HERC2: variants seen among roughly 807,000 people sequenced by gnomAD.
The protein encoded by HERC2 is HECT and RLD domain containing E3 ubiquitin protein ligase 2, also known as E3 ubiquitin-protein ligase HERC2.
Under a neutral mutation model 537.7 loss-of-function variants are expected in HERC2, and 102 were observed. That is an observed-to-expected ratio of 0.19 (90% confidence interval 0.16 to 0.22). The LOEUF is 0.22. HERC2 is among the 10% of genes least tolerant of loss of function. The pLI, the probability that HERC2 is intolerant of heterozygous loss-of-function variation, is 1.00. For synonymous variants in HERC2, 2,224 were observed against 2,466.2 expected, an observed-to-expected ratio of 0.90 and a Z score of 2.91; for missense variants, 4,236 against 6,198.2, an observed-to-expected ratio of 0.68 and a Z score of 10.63.
At chr15:28,317,038 C>A (rs573693228) in intron 2 of HERC2, among the ~76,000 whole-genome samples, 145 of 152,170 alleles carry the variant, frequency 9.5e-4, no homozygotes, top group African/African-American at 3.4e-3. Flanking sequence ...GGATTACAGG[C>A]TGAGCCACCA....
chr15:28,277,584 C>G (rs2075909320), intron 5 of HERC2, among the ~76,000 whole-genome samples: 1 of 152,118 alleles, frequency 6.6e-6, no homozygotes, highest in South Asian at 2.1e-4. Flanking sequence ...GAAAAATCAG[C>G]TGGGCTCTCA....
chr15:28,279,458 C>T (rs2075964168), intron 5 of HERC2, among the ~76,000 whole-genome samples: 1 of 152,140 alleles, frequency 6.6e-6, no homozygotes, highest in Non-Finnish European at 1.5e-5. Context: ...TATACTTGAG[C>T]TGATCTAAAG....
intron 64 of HERC2, 103 bp downstream of exon 64, chr15:28,175,409 T>G (rs572305153): frequency 2.7e-5 from 31 of 1,148,602 alleles, no homozygotes; most frequent in African/African-American, 1.4e-4. Flanking sequence ...ACTCAGCTGA[T>G]TTCATCAACA....
intron 2 of HERC2, among the ~76,000 whole-genome samples, chr15:28,316,374 T>C (rs949725941): frequency 7.9e-5 from 12 of 152,142 alleles, no homozygotes; most frequent in Admixed American, 5.9e-4. Context: ...GCACAGTGGC[T>C]CATACATGTA....
chr15:28,143,068 A>T (rs1021214738), intron 74 of HERC2, 116 bp from the exon 75 acceptor site: 1 of 406,972 alleles, frequency 2.5e-6, no homozygotes, highest in African/African-American at 2.5e-5. Flanking sequence ...TAAAAAAACT[A>T]AAAAAAAAAA....
chr15:28,187,758 T>C (rs76886525), intron 55 of HERC2, among the ~76,000 whole-genome samples: 65 of 152,350 alleles, frequency 4.3e-4, no homozygotes, highest in African/African-American at 1.5e-3. Flanking sequence ...CATTTTATTG[T>C]TGCCTCATTC....
intron 44 of HERC2, among the ~76,000 whole-genome samples, chr15:28,206,750 A>C (rs1037566659): frequency 4.8e-5 from 7 of 146,436 alleles, no homozygotes; most frequent in Admixed American, 4.2e-4. Flanking sequence ...GGAGAATGGC[A>C]TGAACCTGGG....
At chr15:28,262,742 T>C (rs962896740) in intron 15 of HERC2, among the ~76,000 whole-genome samples, 176 bp downstream of exon 15, 1 of 152,244 alleles carries the variant, frequency 6.6e-6, no homozygotes, top group African/African-American at 2.4e-5. Context: ...TATCAATACC[T>C]ATACCAAGCA....
Position 28,265,124 on chromosome 15 carries a change from GA to G in HERC2, c.1870+493del, listed in dbSNP as rs1316367844. On this transcript the variant is annotated intron_variant, in intron 14 of 92. Transcript: ENST00000261609. This position sits in a 1 kb window ranked among gnomAD's most constrained non-coding sequence, Gnocchi z 4.0. ...ACAGACCACCACAATACTGAAAGAC[GA>G]GTCATTTCTAAAATATTAACATGAC... 6.6e-6 allele frequency among the ~76,000 whole-genome samples: 1 copy of G among 152,054 alleles called. No individual in the cohort carries two copies. The highest frequency in any genetic ancestry group is 1.5e-5 in the Non-Finnish European group (1 of 68,032).
At chr15:28,305,733 G>T (rs1478789502) in intron 2 of HERC2, among the ~76,000 whole-genome samples, 6 of 139,810 alleles carry the variant, frequency 4.3e-5, no homozygotes, top group Non-Finnish European at 3.1e-5. Context: ...CCATCAGAGT[G>T]AACAGGCAAC....
chr15:28,169,356 C>A (rs1894467019), intron 66 of HERC2, 128 bp downstream of exon 66: 1 of 628,528 alleles, frequency 1.6e-6, no homozygotes, highest in Non-Finnish European at 2.7e-6. Flanking sequence ...TTGTGACTTA[C>A]AACATACAGC....
At chr15:28,320,160 G>T (rs2077193402) in intron 2 of HERC2, 1 of 152,056 alleles carries the variant, frequency 6.6e-6, no homozygotes, top group Non-Finnish European at 1.5e-5. Flanking sequence ...CATTGTCCAG[G>T]CTGGAGTGCA....
chr15:28,238,594 A>G lies in HERC2; in HGVS notation c.3748+8T>C. 1 of 1,605,570 alleles carries G rather than the reference A, an allele frequency of 6.2e-7. No homozygotes were observed. On this transcript the variant is annotated splice_region_variant and intron_variant, in intron 24 of 92. Transcript: ENST00000261609. Reference sequence around the variant, plus strand: ...CTTTTAACCAGGAAATAACAAGTGTAATCTTACCAAGAATACTATTTCCTG... The same window carrying G: ...CTTTTAACCAGGAAATAACAAGTGTGATCTTACCAAGAATACTATTTCCTG...
chr15:28,116,146 C>T (rs1888215625), intron 88 of HERC2, among the ~76,000 whole-genome samples: 1 of 152,068 alleles, frequency 6.6e-6, no homozygotes, highest in African/African-American at 2.4e-5. Flanking sequence ...ATGCTAGGCA[C>T]GGAAGTCAAC....
Position 28,315,048 on chromosome 15 carries a change from A to G in HERC2, c.72+6314T>C, listed in dbSNP as rs116142884. ...GGTGCTTTATAGAAAAAATGTGCTGACTCCTATGTTACTGCCACCTCTTCT... is the reference window on the plus strand; with the variant it reads ...GGTGCTTTATAGAAAAAATGTGCTGGCTCCTATGTTACTGCCACCTCTTCT... On this transcript the variant is annotated intron_variant, in intron 2 of 92. Coordinates refer to ENST00000261609, the MANE Select transcript of HERC2 (RefSeq NM_004667.6). 6.0e-4 allele frequency among the ~76,000 whole-genome samples: 91 copies of G among 152,224 alleles called. 1 individual carries two copies. Among genetic ancestry groups the G allele is most frequent in the African/African-American group, 2.1e-3 (87 of 41,544 alleles).
Position 28,299,439 on chromosome 15 carries a change from T to C in HERC2, c.150A>G (p.Thr50=). The change falls in exon 3 of 93, where the codon ACA becomes ACG. Residue 50 remains threonine (T), a synonymous_variant. Transcript: ENST00000261609. The stretch of plus-strand genomic sequence containing the variant: ...GGAGCTCTCCGTTCTGGGTTGATTC[T>C]GTTCCAGTGTATACAATTTCTCCAT... The part of the protein sequence containing the change: ...VKDGEIVYTG[T]ESTQNGELPP... 1 of 1,597,472 alleles carries C rather than the reference T, an allele frequency of 6.3e-7. No homozygotes were observed.
In HERC2 at chr15:28,194,068, C is replaced by CT. The variant is rs773769951; in HGVS notation, c.8261-1918dup. Among the ~76,000 whole-genome samples, 640 of 138,442 alleles carry CT rather than the reference C, an allele frequency of 4.6e-3. 4 individuals are homozygous for CT. The highest frequency in any genetic ancestry group is 0.013 in the African/African-American group (502 of 38,084). The allele number at this position is 138,442 out of a possible 152,430, so 90.8% of individuals were successfully genotyped here. A position where few individuals can be genotyped will look rare whatever the true frequency, so the allele number is the denominator to read the frequency against. The stretch of plus-strand genomic sequence containing the variant: ...CACATGTATTGTTTGATCCTTTGAC[C>CT]TTTTTTTTTTTTTTTGAGACAGAAT... On this transcript the variant is annotated intron_variant, in intron 52 of 92. Coordinates refer to ENST00000261609, the MANE Select transcript of HERC2 (RefSeq NM_004667.6).
chr15:28,270,773 C>A lies in HERC2; in HGVS notation c.1179G>T (p.Ala393=). 6.2e-7 allele frequency: 1 copy of A among 1,613,918 alleles called. No homozygotes were observed. The highest frequency in any genetic ancestry group is 8.5e-7 in the Non-Finnish European group (1 of 1,179,852). Reference sequence around the variant, plus strand: ...GGTCTAAATGGGCCATGACAACAACCGCCGTTTGTCGCAGATCAATGGCAA... The same window carrying A: ...GGTCTAAATGGGCCATGACAACAACAGCCGTTTGTCGCAGATCAATGGCAA... ...NELAIDLRQT[A]VVVMAHLDRL... is the part of the protein sequence containing the mutation. Residue 393 remains alanine (A), a synonymous_variant, in exon 10 of 93, where the codon GCG becomes GCT. Coordinates refer to ENST00000261609, the MANE Select transcript of HERC2 (RefSeq NM_004667.6).
In HERC2 at chr15:28,215,732, G is replaced by A. The variant is rs151115059; in HGVS notation, c.6099C>T (p.Ile2033=). 3.8e-5 allele frequency: 62 copies of A among 1,611,846 alleles called. No homozygotes were observed. The highest frequency in any genetic ancestry group is 6.7e-5 in the East Asian group (3 of 44,900). ...SWCTLGFVRS[I]ALTPQVCGAL... ...CGCCGCATACCTGCGGCGTGAGAGC[G>A]ATGCTCCGCACAAACCCCAGCGTGC... Residue 2033 remains isoleucine, a synonymous_variant, in exon 39 of 93, where the codon ATC becomes ATT. Coordinates refer to ENST00000261609, the MANE Select transcript of HERC2 (RefSeq NM_004667.6).
Sources: gnomAD v4.1 joint callset for allele counts (sites outside exome capture counted in the v4.1 genomes callset) on GRCh38, gnomAD v4.1.1 for gene constraint, Gnocchi (gnomAD v3.1) non-coding constraint, MANE v1.5 for transcripts, NCBI Gene and HGNC (gene_info 2026-07-23, HGNC 2026-07-21) for gene names.